Variants in MAD1L1 observed in about 807,000 individuals in gnomAD.
MAD1L1 encodes mitotic arrest deficient 1 like 1.
In MAD1L1, 95 loss-of-function variants were observed where a neutral mutation model predicts 96.9. The observed-to-expected ratio is 0.98, with a 90% CI of 0.83 to 1.16. MAD1L1 has a LOEUF of 1.16. Ranked by LOEUF, MAD1L1 falls within the 50% of genes most tolerant of loss-of-function variation. The pLI is 0.00. For synonymous variants in MAD1L1, 473 were observed against 396.6 expected, an observed-to-expected ratio of 1.19 and a Z score of -2.29; for missense variants, 1,007 against 954.4, an observed-to-expected ratio of 1.06 and a Z score of -0.73.
intron 12 of MAD1L1, among the ~76,000 whole-genome samples, chr7:2,020,901 G>C (rs1782759257): frequency 6.6e-6 from 1 of 151,568 alleles, no homozygotes. Context: ...AAAGTAGCAA[G>C]CTAACTAACC....
intron 15 of MAD1L1, among the ~76,000 whole-genome samples, chr7:1,973,274 G>T (rs1780484323): frequency 6.6e-6 from 1 of 152,166 alleles, no homozygotes; most frequent in Non-Finnish European, 1.5e-5. Context: ...CTGCGTCCTG[G>T]GTTTTCTAAC....
At chr7:2,024,922 G>C (rs1415556132) in intron 12 of MAD1L1, among the ~76,000 whole-genome samples, 1 of 152,186 alleles carries the variant, frequency 6.6e-6, no homozygotes, top group East Asian at 1.9e-4. Context: ...CCAGAGAATA[G>C]AAGCAAACTA....
chr7:2,080,328 T>C (rs1785576882), intron 11 of MAD1L1, among the ~76,000 whole-genome samples: 1 of 152,172 alleles, frequency 6.6e-6, no homozygotes, highest in African/African-American at 2.4e-5. Flanking sequence ...CCTATACCAC[T>C]ACCCTATACC....
chr7:2,222,446 T>C lies in MAD1L1; in HGVS notation c.471+129A>G, dbSNP rs1793657361. The C allele has an allele frequency of 1.8e-5, 13 of 719,256 alleles. No individual in the cohort carries two copies. The South Asian group carries it at 2.5e-4, about 14-fold the overall frequency. 44.6% of individuals were successfully genotyped at this position (719,256 alleles called of 1,614,324 possible). A position where few individuals can be genotyped will look rare whatever the true frequency, so the allele number is the denominator to read the frequency against. The stretch of plus-strand genomic sequence containing the variant: ...TTAATACTTCTACTGATGACAACTA[T>C]GTACAAAACGCAGCTGCCCGTGTGG... On this transcript the variant is annotated intron_variant, in intron 5 of 18. Transcript: ENST00000265854.
chr7:1,845,816 C>T (rs1388335264), intron 18 of MAD1L1: 1 of 152,634 alleles, frequency 6.6e-6, no homozygotes, highest in Non-Finnish European at 1.5e-5. Flanking sequence ...TCCTCTCTGC[C>T]CTCAGGCTCT....
chr7:2,022,862 G>A (rs1481169750), intron 12 of MAD1L1, among the ~76,000 whole-genome samples: 3 of 152,126 alleles, frequency 2.0e-5, no homozygotes, highest in Non-Finnish European at 2.9e-5. Flanking sequence ...AAGAAAGCTA[G>A]ACCACACTAA....
intron 5 of MAD1L1, chr7:2,221,010 G>C (rs1482068142): frequency 6.2e-7 from 1 of 1,612,200 alleles, no homozygotes; most frequent in African/African-American, 1.3e-5. Context: ...TAAGGAGCGT[G>C]ACAATCAGGA....
At chr7:1,885,584 C>A (rs1282990356) in intron 18 of MAD1L1, among the ~76,000 whole-genome samples, 2 of 152,298 alleles carry the variant, frequency 1.3e-5, no homozygotes, top group African/African-American at 4.8e-5. Context: ...CTCCTGCTTC[C>A]TGAGTGGCCC....
chr7:1,977,950 C>T lies in MAD1L1; in HGVS notation c.1505+2503G>A, dbSNP rs150654876. ...TACTCCACCACCTCCCACGTGGCTC[C>T]TGGGGACTGGAGGACAACGGTGGAG... On this transcript the variant is annotated intron_variant, in intron 15 of 18. Transcript: ENST00000265854. Among the ~76,000 whole-genome samples the T allele has an allele frequency of 5.3e-3, 815 of 152,392 alleles. 13 individuals are homozygous for T. The highest frequency in any genetic ancestry group is 0.019 in the African/African-American group (780 of 41,602).
intron 18 of MAD1L1, among the ~76,000 whole-genome samples, chr7:1,840,673 G>A (rs978858278): frequency 1.9e-4 from 29 of 152,364 alleles, no homozygotes; most frequent in African/African-American, 7.0e-4. Context: ...AGGTTGCAGT[G>A]AGCCAAGATC....
intron 18 of MAD1L1, among the ~76,000 whole-genome samples, chr7:1,894,279 C>T (rs539191776): frequency 5.9e-5 from 9 of 152,218 alleles, no homozygotes; most frequent in Non-Finnish European, 1.2e-4. Context: ...CAGTGAAGGG[C>T]AGCTCGGAGG....
chr7:2,226,199 A>T (rs376884182), intron 3 of MAD1L1, among the ~76,000 whole-genome samples: 27 of 152,342 alleles, frequency 1.8e-4, no homozygotes, highest in African/African-American at 6.5e-4. Context: ...TAATCTCCCT[A>T]TCTCAAGGTC....
At chr7:2,176,275 G>C (rs1486793644) in intron 10 of MAD1L1, among the ~76,000 whole-genome samples, 1 of 152,186 alleles carries the variant, frequency 6.6e-6, no homozygotes, top group African/African-American at 2.4e-5. Context: ...TGGAACCTGG[G>C]AGGCAGAGGT....
At chr7:1,965,506 G>A (rs960463793) in intron 15 of MAD1L1, among the ~76,000 whole-genome samples, 1 of 152,238 alleles carries the variant, frequency 6.6e-6, no homozygotes, top group Non-Finnish European at 1.5e-5. Flanking sequence ...CAGTGGTGAG[G>A]CTGCTGTACC....
intron 17 of MAD1L1, among the ~76,000 whole-genome samples, chr7:1,927,071 T>C (rs950117431): frequency 6.6e-6 from 1 of 152,100 alleles, no homozygotes; most frequent in African/African-American, 2.4e-5. Context: ...GTCATACATC[T>C]ACACACACGC....
At chr7:1,858,940 C>G (rs1338272508) in intron 18 of MAD1L1, among the ~76,000 whole-genome samples, 1 of 152,230 alleles carries the variant, frequency 6.6e-6, no homozygotes, top group Non-Finnish European at 1.5e-5. Flanking sequence ...CCTGGACCAC[C>G]ACGCCTTTCC....
chr7:2,105,193 T>C (rs1380009909), intron 11 of MAD1L1, among the ~76,000 whole-genome samples: 1 of 151,962 alleles, frequency 6.6e-6, no homozygotes, highest in Non-Finnish European at 1.5e-5. Context: ...GATATTCCAG[T>C]GAGCAGAAAG....
At chr7:2,207,131 G>A (rs1035733649) in intron 10 of MAD1L1, among the ~76,000 whole-genome samples, 1 of 151,882 alleles carries the variant, frequency 6.6e-6, no homozygotes, top group Non-Finnish European at 1.5e-5. Flanking sequence ...TTTCTGCTGG[G>A]GCTTTGATTG....
chr7:2,138,874 G>A (rs1045862887), intron 11 of MAD1L1, among the ~76,000 whole-genome samples: 2 of 152,192 alleles, frequency 1.3e-5, no homozygotes, highest in Admixed American at 6.5e-5. Context: ...CTGAGCACCT[G>A]CTTGATGTTG....
Sources: allele counts gnomAD v4.1 joint callset (sites outside exome capture counted in the v4.1 genomes callset), GRCh38; gene constraint gnomAD v4.1.1; transcripts MANE v1.5; gene names NCBI Gene and HGNC (gene_info 2026-07-23, HGNC 2026-07-21).